The following CUL3 variants were observed in gnomAD, a reference collection of about 807,000 sequenced individuals.
The protein encoded by CUL3 is cullin-3.
Under a neutral mutation model 89.1 loss-of-function variants are expected in CUL3, and 19 were observed. The observed-to-expected ratio is 0.21, with a 90% CI of 0.15 to 0.31. The LOEUF (loss-of-function observed/expected upper bound fraction) is 0.31. Among genes scored for constraint, CUL3 ranks in the 10% least tolerant of loss-of-function variants. The probability of loss-of-function intolerance (pLI) is 1.00; values close to 1 mark genes in which losing one functional copy is unlikely to be tolerated. For missense variants in CUL3, 469 were observed against 942.3 expected (o/e 0.50, Z 6.58); for synonymous variants, 351 against 308.4 (o/e 1.14, Z -1.45).
chr2:224,486,970 C>T (rs950424460), intron 13 of CUL3, among the ~76,000 whole-genome samples: 20 of 152,170 alleles, frequency 1.3e-4, no homozygotes, highest in Admixed American at 1.2e-3. Context: ...ATTCAACAAT[C>T]TTAAAGAGAA....
chr2:224,526,607 A>AAAAAAAAAAAG (rs1693487960), intron 3 of CUL3, among the ~76,000 whole-genome samples: 3 of 150,764 alleles, frequency 2.0e-5, no homozygotes. Context: ...AAAAAAAAAA[A>AAAAAAAAAAAG]AAAAGAAAAG....
At chr2:224,513,974 T>C (rs1224633057) in intron 4 of CUL3, among the ~76,000 whole-genome samples, 3 of 152,198 alleles carry the variant, frequency 2.0e-5, no homozygotes, top group Admixed American at 2.0e-4. Context: ...GGGTCCAATA[T>C]ACAGCTACTC....
intron 10 of CUL3, among the ~76,000 whole-genome samples, chr2:224,500,919 C>T (rs1004983479): frequency 2.6e-4 from 40 of 151,862 alleles, no homozygotes; most frequent in Admixed American, 1.3e-4. Flanking sequence ...ACATCGCACC[C>T]GGCAAAAAAA....
chr2:224,480,608 ATAT>A, intron 14 of CUL3, among the ~76,000 whole-genome samples: 1 of 152,284 alleles, frequency 6.6e-6, no homozygotes. Context: ...CTAATATCTG[ATAT>A]TATTATTGCT....
chr2:224,572,471 C>T (rs1182199457), intron 1 of CUL3, among the ~76,000 whole-genome samples: 1 of 150,424 alleles, frequency 6.6e-6, no homozygotes, highest in African/African-American at 2.5e-5. Context: ...ACAGTGAAAC[C>T]CTGTCTCTTA....
Position 224,514,625 on chromosome 2 carries a change from C to T in CUL3, c.526G>A (p.Glu176Lys). The T allele has an allele frequency of 6.2e-7, 1 of 1,611,552 alleles. No individual in the cohort carries two copies. Among genetic ancestry groups the T allele is most frequent in the Non-Finnish European group, 8.5e-7 (1 of 1,178,364 alleles). ...LDMIARERKG[E>K]VVDRGAIRNA... ...GAGAAATTTTACCTGTCTACGACTT[C>T]TCCTTTCCGCTCTCTTGCAATCATA... is the stretch of plus-strand genomic sequence containing the variant. The change falls in exon 4 of 16, where the codon GAA becomes AAA. Residue 176 changes from glutamate (E) to lysine (K), a missense_variant. Coordinates refer to ENST00000264414, the MANE Select transcript of CUL3 (RefSeq NM_003590.5).
In CUL3 at chr2:224,550,657, C is replaced by T. The variant is rs191773992; in HGVS notation, c.264+7002G>A. ...ACTTAAAACTGATCTTAGATTTGTC[C>T]GTTTCTTATTCCCTACAAACAATCT... On this transcript the variant is annotated intron_variant, in intron 2 of 15. Coordinates refer to ENST00000264414, the MANE Select transcript of CUL3 (RefSeq NM_003590.5). 1.1e-4 allele frequency among the ~76,000 whole-genome samples: 16 copies of T among 152,266 alleles called. No homozygotes were observed. In the East Asian group the frequency reaches 2.3e-3, roughly 22 times the overall value.
chr2:224,509,635 C>T (rs1391095718), intron 6 of CUL3, among the ~76,000 whole-genome samples: 5 of 152,214 alleles, frequency 3.3e-5, no homozygotes, highest in Admixed American at 3.3e-4. Flanking sequence ...CCTTCATTCA[C>T]GTAAGTGCTC....
intron 1 of CUL3, among the ~76,000 whole-genome samples, chr2:224,567,908 T>C (rs1695086582): frequency 6.6e-6 from 1 of 152,182 alleles, no homozygotes; most frequent in Non-Finnish European, 1.5e-5. Flanking sequence ...AGACCTAGTT[T>C]ATGCTCACTT....
chr2:224,557,879 G>GAT, intron 1 of CUL3, 23 bp from the exon 2 acceptor site: 2 of 75,156 alleles, frequency 2.7e-5, no homozygotes, highest in Non-Finnish European at 4.4e-5. Flanking sequence ...AGAGAGAGAA[G>GAT]AGACAAAAAA....
chr2:224,554,682 G>A (rs1294363523), intron 2 of CUL3, among the ~76,000 whole-genome samples: 1 of 152,178 alleles, frequency 6.6e-6, no homozygotes. Flanking sequence ...ACATGTAAAA[G>A]CACTAGAACT....
intron 1 of CUL3, among the ~76,000 whole-genome samples, chr2:224,578,404 A>G (rs1456864793): frequency 2.0e-5 from 3 of 152,194 alleles, no homozygotes; most frequent in Non-Finnish European, 4.4e-5. Flanking sequence ...ATATGAAATT[A>G]AAATTCCAAA....
intron 2 of CUL3, among the ~76,000 whole-genome samples, chr2:224,554,763 C>G (rs1249951297): frequency 6.6e-6 from 1 of 152,174 alleles, no homozygotes; most frequent in Non-Finnish European, 1.5e-5. Flanking sequence ...GAACCTCTGA[C>G]GAATGAGAAC....
chr2:224,500,340 T>C (rs756515802), intron 11 of CUL3, 23 bp downstream of exon 11: 1 of 1,613,340 alleles, frequency 6.2e-7, no homozygotes, highest in Admixed American at 1.7e-5. Flanking sequence ...TACACAGTGA[T>C]ACAAAGTCTG....
At chr2:224,554,412 G>A (rs1182191500) in intron 2 of CUL3, among the ~76,000 whole-genome samples, 2 of 152,156 alleles carry the variant, frequency 1.3e-5, no homozygotes, top group African/African-American at 2.4e-5. Flanking sequence ...TTTACAGACA[G>A]TAAGTCCATT....
At chr2:224,532,473 A>AT (rs1248491207) in intron 3 of CUL3, among the ~76,000 whole-genome samples, 1 of 147,368 alleles carries the variant, frequency 6.8e-6, no homozygotes, top group East Asian at 2.1e-4. Flanking sequence ...AAAAAAAAAA[A>AT]AACAAGGAGA....
intron 1 of CUL3, among the ~76,000 whole-genome samples, chr2:224,559,328 C>T (rs1477935689): frequency 6.6e-6 from 1 of 151,744 alleles, no homozygotes; most frequent in Admixed American, 6.6e-5. Context: ...GTGGCGCATG[C>T]CTATAGTCCC....
chr2:224,475,529 A>T (rs992309345), intron 15 of CUL3, among the ~76,000 whole-genome samples: 6 of 152,176 alleles, frequency 3.9e-5, no homozygotes, highest in African/African-American at 1.2e-4. Flanking sequence ...CATTTCCCAA[A>T]GCCACAATGG....
At chr2:224,541,865 A>T (rs1188126283) in intron 2 of CUL3, among the ~76,000 whole-genome samples, 2 of 152,212 alleles carry the variant, frequency 1.3e-5, no homozygotes, top group African/African-American at 4.8e-5. Flanking sequence ...CTATAGTGTT[A>T]AGATAGCAGA....
Sources: gnomAD v4.1 joint callset for allele counts (sites outside exome capture counted in the v4.1 genomes callset) on GRCh38, gnomAD v4.1.1 for gene constraint, MANE v1.5 for transcripts, NCBI Gene and HGNC (gene_info 2026-07-23, HGNC 2026-07-21) for gene names.